TAB2: variants seen among roughly 807,000 people sequenced by gnomAD.
TAB2 encodes the protein TGF-beta-activated kinase 1 and MAP3K7-binding protein 2.
Under a neutral mutation model 65.0 loss-of-function variants are expected in TAB2, and 3 were observed. The ratio of observed to expected loss-of-function variants is 0.05; its 90% CI spans 0.02 to 0.12. TAB2 has a LOEUF of 0.12. Ranked by LOEUF, TAB2 falls within the 10% of genes least tolerant of loss-of-function variation. The pLI, the probability that TAB2 is intolerant of heterozygous loss-of-function variation, is 1.00. For synonymous variants in TAB2, 298 were observed against 285.1 expected, an observed-to-expected ratio of 1.05 and a Z score of -0.46; for missense variants, 623 against 840.3, an observed-to-expected ratio of 0.74 and a Z score of 3.20.
At chr6:149,396,894 A>G (rs543203326) in intron 3 of TAB2, among the ~76,000 whole-genome samples, 14 of 152,246 alleles carry the variant, frequency 9.2e-5, no homozygotes, top group African/African-American at 3.1e-4. Context: ...TAAAATATCT[A>G]TAACATTTTC....
At chr6:149,371,555 A>T (rs1208782373) in intron 2 of TAB2, among the ~76,000 whole-genome samples, 1 of 152,216 alleles carries the variant, frequency 6.6e-6, no homozygotes, top group Non-Finnish European at 1.5e-5. Context: ...AACTGAGTTC[A>T]AGTTTTGACA....
chr6:149,225,671 C>T (rs944523662), intron 1 of TAB2, among the ~76,000 whole-genome samples: 1 of 151,930 alleles, frequency 6.6e-6, no homozygotes, highest in Non-Finnish European at 1.5e-5. Context: ...TGATAGGGGA[C>T]ACAATTTTTA....
At position 149,379,364 on chromosome 6, in the gene TAB2, T is replaced by A. The variant is rs1781527646; in HGVS notation, c.1449T>A (p.Pro483=). ...PPAVSPGVVS[P]TFELTNLLNH... is the part of the protein sequence containing the mutation. ...CAGTTTCACCAGGGGTGGTGTCCCC[T>A]ACCTTTGAACTTACAAATCTTCTTA... Residue 483 remains proline, a synonymous_variant, in exon 3 of 7, where the codon CCT becomes CCA. Coordinates refer to ENST00000637181, the MANE Select transcript of TAB2 (RefSeq NM_001292034.3). The A allele has an allele frequency of 6.2e-7, 1 of 1,614,110 alleles. No individual in the cohort carries two copies. Among genetic ancestry groups the A allele is most frequent in the African/African-American group, 1.3e-5 (1 of 74,936 alleles).
chr6:149,322,219 A>C (rs867368679), intron 1 of TAB2, among the ~76,000 whole-genome samples: 1 of 152,150 alleles, frequency 6.6e-6, no homozygotes, highest in African/African-American at 2.4e-5. Context: ...TAGTGGTAAA[A>C]GACTTAATAA....
chr6:149,354,678 G>A (rs1035741497), intron 1 of TAB2, among the ~76,000 whole-genome samples: 6 of 152,140 alleles, frequency 3.9e-5, no homozygotes, highest in Non-Finnish European at 7.3e-5. Context: ...ACGTAAAAGC[G>A]TGTGTGTTCT....
At chr6:149,336,819 G>GA (rs1359352219) in intron 1 of TAB2, among the ~76,000 whole-genome samples, 1 of 152,078 alleles carries the variant, frequency 6.6e-6, no homozygotes, top group Non-Finnish European at 1.5e-5. Context: ...AGGGTGTGGG[G>GA]ACTGCTGGGA....
intron 1 of TAB2, among the ~76,000 whole-genome samples, chr6:149,366,403 C>T (rs1467511989): frequency 2.0e-5 from 3 of 152,050 alleles, no homozygotes; most frequent in African/African-American, 7.2e-5. Context: ...TTTAGGGCCT[C>T]CTCTCTGTGG....
intron 1 of TAB2, among the ~76,000 whole-genome samples, chr6:149,236,404 C>A (rs756997656): frequency 1.9e-4 from 29 of 152,086 alleles, no homozygotes; most frequent in Non-Finnish European, 3.8e-4. Flanking sequence ...ATGGGAGGAG[C>A]TTTTTCAAAT....
intron 1 of TAB2, among the ~76,000 whole-genome samples, chr6:149,322,710 A>G (rs1779495152): frequency 6.6e-6 from 1 of 152,186 alleles, no homozygotes; most frequent in African/African-American, 2.4e-5. Context: ...GCATTTTAAC[A>G]AGGAAATAAC....
chr6:149,254,059 GAGGA>G (rs202028741), intron 1 of TAB2, among the ~76,000 whole-genome samples: 28,596 of 103,266 alleles, frequency 0.28, 4,049 homozygotes, highest in Non-Finnish European at 0.33. Flanking sequence ...GGGAGAGAGG[GAGGA>G]AGGAAGGAAG....
chr6:149,234,132 A>G (rs775695624), intron 1 of TAB2, among the ~76,000 whole-genome samples: 1 of 152,146 alleles, frequency 6.6e-6, no homozygotes, highest in Non-Finnish European at 1.5e-5. Flanking sequence ...TGACTCACAA[A>G]CCGCTCCTAG....
At chr6:149,322,585 C>T (rs908765406) in intron 1 of TAB2, among the ~76,000 whole-genome samples, 4 of 152,042 alleles carry the variant, frequency 2.6e-5, no homozygotes, top group Admixed American at 6.6e-5. Flanking sequence ...AGTTAAAATT[C>T]GTTAGCTTCT....
intron 1 of TAB2, among the ~76,000 whole-genome samples, chr6:149,278,979 C>G (rs1583061744): frequency 2.0e-5 from 3 of 151,858 alleles, no homozygotes; most frequent in African/African-American, 7.3e-5. Context: ...TTCCGTGGAC[C>G]CTACCTTCCT....
intron 1 of TAB2, among the ~76,000 whole-genome samples, chr6:149,270,762 C>A (rs185662118): frequency 1.2e-4 from 19 of 152,324 alleles, no homozygotes; most frequent in Middle Eastern, 3.4e-3. Flanking sequence ...TTGGGGCAAG[C>A]CTCTCCGACG....
rs150025488 is a variant in TAB2, at chr6:149,240,871, C to T, written c.-121+22095C>T. The stretch of plus-strand genomic sequence containing the variant: ...TGTTATGGATTAAATGGTCATGCCC[C>T]TCCCCTAAATGCATATGTTGAAGCC... On this transcript the variant is annotated intron_variant, in intron 1 of 1. Coordinates refer to the TAB2 transcript ENST00000606202. Among the ~76,000 whole-genome samples the T allele has an allele frequency of 2.6e-4, 40 of 152,166 alleles. No homozygotes were observed. In the East Asian group the frequency reaches 7.2e-3, roughly 27 times the overall value.
chr6:149,321,257 G>A (rs1779447026), intron 1 of TAB2: 4 of 152,264 alleles, frequency 2.6e-5, no homozygotes, highest in South Asian at 4.1e-4. Flanking sequence ...GAATTTAAAT[G>A]TATGCATGTT....
intron 1 of TAB2, among the ~76,000 whole-genome samples, chr6:149,309,687 A>G (rs1031125660): frequency 6.0e-5 from 9 of 149,228 alleles, no homozygotes; most frequent in African/African-American, 2.2e-4. Flanking sequence ...GTGAGCCACC[A>G]CGCCTGCCCT....
intron 2 of TAB2, among the ~76,000 whole-genome samples, chr6:149,374,263 C>T (rs1244310319): frequency 6.6e-6 from 1 of 152,152 alleles, no homozygotes; most frequent in African/African-American, 2.4e-5. Context: ...CTCACCCAGG[C>T]TGGAATGCAG....
At chr6:149,293,452 T>C (rs983264686) in intron 1 of TAB2, among the ~76,000 whole-genome samples, 4 of 152,340 alleles carry the variant, frequency 2.6e-5, no homozygotes, top group Admixed American at 2.0e-4. Flanking sequence ...CTATTGTTTA[T>C]TTGCATGGGT....
Sources: gnomAD v4.1 joint callset for allele counts (sites outside exome capture counted in the v4.1 genomes callset) on GRCh38, gnomAD v4.1.1 for gene constraint, MANE v1.5 for transcripts, NCBI Gene and HGNC (gene_info 2026-07-23, HGNC 2026-07-21) for gene names.